Variants in ALK observed in about 807,000 individuals in gnomAD.
ALK encodes ALK tyrosine kinase receptor.
In ALK, 74 loss-of-function variants were observed where a neutral mutation model predicts 163.1. The observed-to-expected ratio is 0.45, with a 90% confidence interval of 0.38 to 0.55. The LOEUF (loss-of-function observed/expected upper bound fraction) is 0.55, where lower values mean the gene tolerates loss of function less well. Among genes scored for constraint, ALK ranks in the 20% least tolerant of loss-of-function variants. ALK has a pLI of 0.00. For missense variants in ALK, 2,063 were observed against 2,105.3 expected, an observed-to-expected ratio of 0.98 and a Z score of 0.39; for synonymous variants, 960 against 843.2, an observed-to-expected ratio of 1.14 and a Z score of -2.40.
rs766328936 is a variant in ALK, at chr2:29,225,429, C to T, written c.3172+32G>A. 4.8e-5 allele frequency: 75 copies of T among 1,573,912 alleles called. 1 individual carries two copies. The South Asian group carries it at 7.7e-4, about 16-fold the overall frequency. On this transcript the variant is annotated intron_variant, in intron 19 of 28. Transcript: ENST00000389048. ...ACTATTCAGTCCTGCCTTCCTGCCC[C>T]CTTGGGAGTCCCTGGGGCTCTGTGC...
At chr2:29,418,529 T>A (rs949111055) in intron 4 of ALK, among the ~76,000 whole-genome samples, 5 of 152,226 alleles carry the variant, frequency 3.3e-5, no homozygotes, top group African/African-American at 1.2e-4. Context: ...AATTTTTCAG[T>A]CCTTACCCCT....
At chr2:29,243,718 G>C (rs999185115) in intron 12 of ALK, among the ~76,000 whole-genome samples, 2 of 152,308 alleles carry the variant, frequency 1.3e-5, no homozygotes, top group African/African-American at 2.4e-5. Flanking sequence ...CTCATGCTAT[G>C]ATAATAGCCT....
intron 1 of ALK, among the ~76,000 whole-genome samples, chr2:29,905,004 G>C (rs925029912): frequency 6.6e-6 from 1 of 152,146 alleles, no homozygotes; most frequent in Non-Finnish European, 1.5e-5. Context: ...GGGAATAAAT[G>C]ATACACATAC....
chr2:29,726,361 A>C (rs1023374459), intron 1 of ALK, among the ~76,000 whole-genome samples: 1 of 152,246 alleles, frequency 6.6e-6, no homozygotes, highest in Non-Finnish European at 1.5e-5. Flanking sequence ...CAGGCCTTTC[A>C]TCTTGTGATC....
In ALK at chr2:29,239,751, T is replaced by A. The variant is rs751419856; in HGVS notation, c.2284A>T (p.Ile762Phe). The A allele has an allele frequency of 6.2e-7, 1 of 1,614,076 alleles. No homozygotes were observed. The highest frequency in any genetic ancestry group is 1.1e-5 in the South Asian group (1 of 91,090). ...MRSHGVSVLGIFNLEKDDMLY... is the reference protein window; with the variant it reads ...MRSHGVSVLGFFNLEKDDMLY... ...ATGTCATCCTTCTCCAGGTTGAAGA[T>A]GCCCAGCACAGACACGCCGTGGGAC... Residue 762 changes from isoleucine (I) to phenylalanine (F), a missense_variant, in exon 13 of 29, where the codon ATC becomes TTC. By Grantham distance (21) the Ile-to-Phe change is conservative. Around this residue, in one of 5 missense-constraint regions of ALK, gnomAD observed 575 missense variants for 626.6 expected, o/e 0.92. Transcript: ENST00000389048.
At chr2:29,684,640 T>C (rs897175718) in intron 3 of ALK, among the ~76,000 whole-genome samples, 6 of 152,198 alleles carry the variant, frequency 3.9e-5, no homozygotes, top group African/African-American at 9.7e-5. Context: ...CCCCAATTGA[T>C]GTAATTTGGT....
At chr2:29,847,448 A>G (rs1185305288) in intron 1 of ALK, among the ~76,000 whole-genome samples, 2 of 152,188 alleles carry the variant, frequency 1.3e-5, no homozygotes, top group East Asian at 3.9e-4. Context: ...GATCAGGTAC[A>G]TACTTAATGT....
chr2:29,766,341 G>T (rs1427725587), intron 1 of ALK, among the ~76,000 whole-genome samples: 2 of 152,110 alleles, frequency 1.3e-5, no homozygotes, highest in Admixed American at 1.3e-4. Context: ...GGATCTTCCA[G>T]TCCTACAAGC....
intron 3 of ALK, among the ~76,000 whole-genome samples, chr2:29,621,753 C>T (rs2148229723): frequency 6.6e-6 from 1 of 152,286 alleles, no homozygotes; most frequent in East Asian, 1.9e-4. Flanking sequence ...TCCAGGTGAC[C>T]CCCTCAAGAA....
intron 1 of ALK, among the ~76,000 whole-genome samples, chr2:29,755,973 T>TG (rs1316647829): frequency 3.9e-5 from 6 of 152,216 alleles, no homozygotes; most frequent in Admixed American, 3.9e-4. Context: ...AGGCTGCCGT[T>TG]GGCCCAGATG....
At chr2:29,346,226 C>T (rs1480865741) in intron 5 of ALK, among the ~76,000 whole-genome samples, 1 of 152,188 alleles carries the variant, frequency 6.6e-6, no homozygotes, top group African/African-American at 2.4e-5. Context: ...TTCATGTCCA[C>T]TATCTCATTA....
chr2:29,214,448 T>G (rs2148160107), intron 23 of ALK, among the ~76,000 whole-genome samples: 1 of 152,294 alleles, frequency 6.6e-6, no homozygotes, highest in African/African-American at 2.4e-5. Flanking sequence ...TCATAAGCAT[T>G]TGAATACCCC....
At chr2:29,584,142 A>AG (rs1674804798) in intron 3 of ALK, among the ~76,000 whole-genome samples, 1 of 152,228 alleles carries the variant, frequency 6.6e-6, no homozygotes, top group African/African-American at 2.4e-5. Context: ...ACCAGAACTG[A>AG]GGGGGGCCTC....
chr2:29,545,287 T>C (rs4513250), intron 3 of ALK, among the ~76,000 whole-genome samples: 18,712 of 152,148 alleles, frequency 0.12, 1,512 homozygotes, highest in East Asian at 0.34. Flanking sequence ...CCTTTGTTCA[T>C]GTGGTCTTAT....
At chr2:29,531,783 T>G in intron 4 of ALK, 132 bp downstream of exon 4, 1 of 939,254 alleles carries the variant, frequency 1.1e-6, no homozygotes, top group Non-Finnish European at 1.7e-6. Context: ...TTAGTAGTAA[T>G]TGCTCAACCT....
chr2:29,257,894 A>G (rs1664989492), intron 11 of ALK, among the ~76,000 whole-genome samples: 1 of 152,220 alleles, frequency 6.6e-6, no homozygotes, highest in Non-Finnish European at 1.5e-5. Context: ...GCTGGAGTAC[A>G]GTAGCATGAT....
At chr2:29,882,418 G>T (rs1666889763) in intron 1 of ALK, among the ~76,000 whole-genome samples, 1 of 152,204 alleles carries the variant, frequency 6.6e-6, no homozygotes, top group Admixed American at 6.5e-5. Flanking sequence ...ATACCAGGCT[G>T]GGCGCAGTGG....
At chr2:29,636,387 T>C (rs1676533136) in intron 3 of ALK, among the ~76,000 whole-genome samples, 1 of 150,072 alleles carries the variant, frequency 6.7e-6, no homozygotes, top group Non-Finnish European at 1.5e-5. Flanking sequence ...AAAAGAAAGA[T>C]AAAGAAAAAT....
At chr2:29,770,914 C>T (rs1258641684) in intron 1 of ALK, among the ~76,000 whole-genome samples, 2 of 151,820 alleles carry the variant, frequency 1.3e-5, no homozygotes, top group Non-Finnish European at 2.9e-5. Flanking sequence ...CACACACAGT[C>T]ACACACACGC....
Sources: allele counts gnomAD v4.1 joint callset (sites outside exome capture counted in the v4.1 genomes callset), GRCh38; gene constraint gnomAD v4.1.1; regional missense constraint gnomAD v4.1.1; transcripts MANE v1.5; gene names NCBI Gene and HGNC (gene_info 2026-07-23, HGNC 2026-07-21).